Variants in ESRRG observed in about 807,000 individuals in gnomAD.
The protein encoded by ESRRG is estrogen-related receptor gamma.
In ESRRG, 13 loss-of-function variants were observed where a neutral mutation model predicts 44.0. The ratio of observed to expected loss-of-function variants is 0.30; its 90% CI spans 0.19 to 0.47. The LOEUF (loss-of-function observed/expected upper bound fraction) is 0.47, where lower values mean the gene tolerates loss of function less well. Ranked by LOEUF, ESRRG falls within the 20% of genes least tolerant of loss-of-function variation. ESRRG has a pLI of 1.00. For missense variants in ESRRG, 395 were observed against 580.6 expected (o/e 0.68, Z 3.29); for synonymous variants, 215 against 214.6 (o/e 1.00, Z -0.02).
At chr1:216,535,341 A>G (rs558479727) in intron 5 of ESRRG, among the ~76,000 whole-genome samples, 9 of 152,214 alleles carry the variant, frequency 5.9e-5, no homozygotes, top group African/African-American at 2.2e-4. Flanking sequence ...TCCACTGAAC[A>G]TCTTTGATGT....
chr1:216,653,618 T>A (rs1313165529), intron 2 of ESRRG, among the ~76,000 whole-genome samples: 1 of 152,148 alleles, frequency 6.6e-6, no homozygotes, highest in Non-Finnish European at 1.5e-5. Context: ...TTTCCAAGCC[T>A]CCTTGTTCAA....
At chr1:217,045,408 G>A (rs1444474212) in intron 1 of ESRRG, among the ~76,000 whole-genome samples, 2 of 152,154 alleles carry the variant, frequency 1.3e-5, no homozygotes, top group Non-Finnish European at 2.9e-5. Context: ...AAAATCTCCA[G>A]ACTCATATAT....
intron 5 of ESRRG, among the ~76,000 whole-genome samples, chr1:216,538,515 T>C (rs1484379829): frequency 6.6e-6 from 1 of 152,076 alleles, no homozygotes; most frequent in Non-Finnish European, 1.5e-5. Flanking sequence ...ACCTTTCCAC[T>C]GCTACCGCAC....
At chr1:216,695,414 C>A (rs1381899940) in intron 1 of ESRRG, among the ~76,000 whole-genome samples, 1 of 151,986 alleles carries the variant, frequency 6.6e-6, no homozygotes, top group African/African-American at 2.4e-5. Flanking sequence ...AATAGTTATG[C>A]AAATAGTTAC....
chr1:217,086,377 T>C (rs539309674), intron 1 of ESRRG, among the ~76,000 whole-genome samples: 4 of 152,236 alleles, frequency 2.6e-5, no homozygotes, highest in Non-Finnish European at 5.9e-5. Flanking sequence ...ACATGCTTTT[T>C]CCTCTGTGCA....
At chr1:216,840,961 C>T (rs764663874) in intron 2 of ESRRG, among the ~76,000 whole-genome samples, 1 of 151,950 alleles carries the variant, frequency 6.6e-6, no homozygotes, top group Non-Finnish European at 1.5e-5. Context: ...AAAATTACCA[C>T]AATGTGACAC....
At chr1:216,524,932 G>A (rs765589331) in intron 5 of ESRRG, among the ~76,000 whole-genome samples, 3 of 152,150 alleles carry the variant, frequency 2.0e-5, no homozygotes, top group Non-Finnish European at 2.9e-5. Flanking sequence ...AATTATCACT[G>A]TTAACTGAAT....
chr1:216,578,243 T>C (rs1353011485), intron 3 of ESRRG, among the ~76,000 whole-genome samples: 8 of 152,112 alleles, frequency 5.3e-5, no homozygotes, highest in Non-Finnish European at 1.0e-4. Flanking sequence ...GAGAGATGTC[T>C]TGTTACACTG....
chr1:216,663,834 GA>G (rs2073179328), intron 2 of ESRRG, among the ~76,000 whole-genome samples: 1 of 152,134 alleles, frequency 6.6e-6, no homozygotes. Context: ...AGTGGCGACA[GA>G]TTTTTAGGAT....
intron 1 of ESRRG, among the ~76,000 whole-genome samples, chr1:216,963,626 C>A (rs1293943439): frequency 6.6e-6 from 1 of 152,086 alleles, no homozygotes; most frequent in East Asian, 1.9e-4. Flanking sequence ...CCAATCTATA[C>A]AAAATAATTT....
At chr1:216,527,447 A>G (rs1498285) in intron 5 of ESRRG, among the ~76,000 whole-genome samples, 51,821 of 151,946 alleles carry the variant, frequency 0.34, 8,992 homozygotes, top group Non-Finnish European at 0.36. Context: ...CATATCTCCT[A>G]CATGATAAAA....
chr1:216,621,591 A>G (rs1558862448), intron 3 of ESRRG, among the ~76,000 whole-genome samples: 1 of 152,184 alleles, frequency 6.6e-6, no homozygotes, highest in South Asian at 2.1e-4. Context: ...CTACATTGTC[A>G]TCTTGAGGAA....
At chr1:216,667,396 T>C (rs2074164438) in intron 2 of ESRRG, among the ~76,000 whole-genome samples, 1 of 152,012 alleles carries the variant, frequency 6.6e-6, no homozygotes. Context: ...AAGATAGAAC[T>C]AAGTTTAGGC....
intron 3 of ESRRG, among the ~76,000 whole-genome samples, chr1:216,604,460 G>T (rs1028563340): frequency 2.6e-5 from 4 of 152,154 alleles, no homozygotes; most frequent in African/African-American, 9.7e-5. Context: ...GAGTGGCACT[G>T]TCAGGAACAA....
intron 3 of ESRRG, among the ~76,000 whole-genome samples, chr1:216,608,437 TGAAAG>T (rs1419308142): frequency 2.0e-5 from 3 of 152,194 alleles, no homozygotes; most frequent in African/African-American, 4.8e-5. Flanking sequence ...CTCTAAGTGA[TGAAAG>T]AAAAGGAGGG....
intron 3 of ESRRG, among the ~76,000 whole-genome samples, chr1:216,621,089 T>G (rs775031477): frequency 6.6e-6 from 1 of 152,188 alleles, no homozygotes; most frequent in Non-Finnish European, 1.5e-5. Flanking sequence ...GCCCCAGATA[T>G]GTATCCACAG....
chr1:216,530,109 C>CAAAAA (rs34108833), intron 5 of ESRRG, among the ~76,000 whole-genome samples: 52 of 62,740 alleles, frequency 8.3e-4, no homozygotes, highest in African/African-American at 2.9e-3. Flanking sequence ...GAGACTCCAT[C>CAAAAA]AAAAAAAAAA....
intron 1 of ESRRG, among the ~76,000 whole-genome samples, chr1:217,100,485 T>C (rs1366362646): frequency 6.6e-6 from 1 of 152,232 alleles, no homozygotes; most frequent in Admixed American, 6.5e-5. Flanking sequence ...AGTGCCTTGC[T>C]GGAGGACAGG....
intron 3 of ESRRG, among the ~76,000 whole-genome samples, chr1:216,590,972 G>T (rs144365555): frequency 6.6e-6 from 1 of 152,246 alleles, no homozygotes; most frequent in Admixed American, 6.5e-5. Flanking sequence ...CAACAACTGT[G>T]GTATCATAGG....
Sources: gnomAD v4.1 joint callset for allele counts (sites outside exome capture counted in the v4.1 genomes callset) on GRCh38, gnomAD v4.1.1 for gene constraint, MANE v1.5 for transcripts, NCBI Gene and HGNC (gene_info 2026-07-23, HGNC 2026-07-21) for gene names.